MAD1L1: variants seen among roughly 807,000 people sequenced by gnomAD.
MAD1L1 encodes the protein mitotic arrest deficient 1 like 1, also known as mitotic spindle assembly checkpoint protein MAD1.
In MAD1L1, 95 loss-of-function variants were observed where a neutral mutation model predicts 96.9. The ratio of observed to expected loss-of-function variants is 0.98; its 90% CI spans 0.83 to 1.16. The LOEUF (loss-of-function observed/expected upper bound fraction) is 1.16, where lower values mean the gene tolerates loss of function less well. Ranked by LOEUF, MAD1L1 falls within the 50% of genes most tolerant of loss-of-function variation. The pLI is 0.00. For missense variants in MAD1L1, 1,007 were observed against 954.4 expected (o/e 1.06, Z -0.73); for synonymous variants, 473 against 396.6 (o/e 1.19, Z -2.29).
At chr7:1,859,747 C>T (rs1016508824) in intron 18 of MAD1L1, among the ~76,000 whole-genome samples, 2 of 152,044 alleles carry the variant, frequency 1.3e-5, no homozygotes, top group African/African-American at 2.4e-5. Flanking sequence ...TCCTGCAGGG[C>T]GGCCTCTGTT....
At chr7:1,849,093 C>T (rs1280606748) in intron 18 of MAD1L1, 20 of 154,602 alleles carry the variant, frequency 1.3e-4, no homozygotes, top group Non-Finnish European at 2.5e-4. Flanking sequence ...TGCACGGACA[C>T]ATGCACACAC....
chr7:1,997,776 G>A (rs1453629129), intron 14 of MAD1L1, among the ~76,000 whole-genome samples: 4 of 152,196 alleles, frequency 2.6e-5, no homozygotes, highest in Admixed American at 2.0e-4. Flanking sequence ...CCCCAACCAC[G>A]GTGTCTGTAG....
intron 13 of MAD1L1, among the ~76,000 whole-genome samples, chr7:2,012,372 G>A (rs1412203814): frequency 6.6e-6 from 1 of 152,242 alleles, no homozygotes; most frequent in Non-Finnish European, 1.5e-5. Context: ...GACGGCAGAA[G>A]GGGTCAGAGA....
At chr7:1,895,252 G>A (rs1160066410) in intron 18 of MAD1L1, among the ~76,000 whole-genome samples, 1 of 152,218 alleles carries the variant, frequency 6.6e-6, no homozygotes. Flanking sequence ...CCAAGGTGGG[G>A]TCTTGGCAAC....
intron 10 of MAD1L1, among the ~76,000 whole-genome samples, chr7:2,173,288 G>T (rs1637761): frequency 0.55 from 82,928 of 151,912 alleles, 23,265 homozygotes; most frequent in Middle Eastern, 0.69. Flanking sequence ...CCATGGCTCT[G>T]TGCTCCCACC....
chr7:2,089,187 C>T (rs1449519809), intron 11 of MAD1L1: 1 of 152,240 alleles, frequency 6.6e-6, no homozygotes, highest in Non-Finnish European at 1.5e-5. Context: ...GTCCCAGGCA[C>T]AGTGGAGGCC....
At chr7:2,148,169 GC>G (rs1217838310) in intron 11 of MAD1L1, among the ~76,000 whole-genome samples, 13 of 152,182 alleles carry the variant, frequency 8.5e-5, no homozygotes, top group Admixed American at 8.5e-4. Context: ...AGTGACATCA[GC>G]CCCCAAAATA....
intron 14 of MAD1L1, among the ~76,000 whole-genome samples, chr7:2,000,115 G>A (rs1233329784): frequency 1.3e-5 from 2 of 151,850 alleles, no homozygotes; most frequent in Admixed American, 1.3e-4. Context: ...TGCATCCAAC[G>A]TGTGGCAGGC....
At chr7:2,102,667 C>A (rs1786873256) in intron 11 of MAD1L1, among the ~76,000 whole-genome samples, 1 of 151,834 alleles carries the variant, frequency 6.6e-6, no homozygotes, top group African/African-American at 2.4e-5. Flanking sequence ...CCACTGTCAC[C>A]AGCACTCTCA....
chr7:2,190,683 A>G lies in MAD1L1; in HGVS notation c.986+22529T>C, dbSNP rs6946161. ...CACAAAAGAAGATATATGGCCGTCA[A>G]GTTAAGTACATGAGTAGATGTTCAA... On this transcript the variant is annotated intron_variant, in intron 10 of 18. Coordinates refer to ENST00000265854, the MANE Select transcript of MAD1L1 (RefSeq NM_001013836.2). 9.1e-3 allele frequency among the ~76,000 whole-genome samples: 1,387 copies of G among 152,318 alleles called. 17 individuals carry two copies. Among genetic ancestry groups the G allele is most frequent in the African/African-American group, 0.032 (1,325 of 41,548 alleles).
In MAD1L1 at chr7:2,121,990, T is replaced by G. The variant is rs74732578; in HGVS notation, c.1073+27162A>C. Reference sequence around the variant, plus strand: ...CACCAAGACACTGGGGAAAAGACCCTGGGTGTTAAAAGTAGCTTCTGGGGT... The same window carrying G: ...CACCAAGACACTGGGGAAAAGACCCGGGGTGTTAAAAGTAGCTTCTGGGGT... On this transcript the variant is annotated intron_variant, in intron 11 of 18. Transcript: ENST00000265854. 4.7e-4 allele frequency among the ~76,000 whole-genome samples: 72 copies of G among 151,816 alleles called. 1 individual carries two copies. The East Asian group carries it at 9.9e-3, about 21-fold the overall frequency.
intron 10 of MAD1L1, among the ~76,000 whole-genome samples, chr7:2,197,190 C>A (rs1375273003): frequency 2.0e-5 from 3 of 152,214 alleles, no homozygotes; most frequent in African/African-American, 7.2e-5. Flanking sequence ...TGTCCGAACA[C>A]GCAGCATCTG....
At chr7:2,231,736 TTA>T (rs1794201397) in intron 1 of MAD1L1, among the ~76,000 whole-genome samples, 1 of 152,230 alleles carries the variant, frequency 6.6e-6, no homozygotes, top group South Asian at 2.1e-4. Flanking sequence ...TCTAGTGACA[TTA>T]ATAAGTACTA....
At chr7:2,040,607 C>T (rs1783630713) in intron 12 of MAD1L1, among the ~76,000 whole-genome samples, 1 of 152,192 alleles carries the variant, frequency 6.6e-6, no homozygotes, top group Non-Finnish European at 1.5e-5. Context: ...TTTCTGTCTT[C>T]CCAGCTGCTA....
intron 12 of MAD1L1, among the ~76,000 whole-genome samples, chr7:2,015,193 C>T (rs1046266369): frequency 1.2e-4 from 19 of 152,222 alleles, no homozygotes; most frequent in African/African-American, 3.9e-4. Context: ...GAAGCTGCTG[C>T]GTTCCAATGG....
intron 18 of MAD1L1, among the ~76,000 whole-genome samples, chr7:1,859,732 T>A (rs1284865444): frequency 6.6e-6 from 1 of 152,068 alleles, no homozygotes; most frequent in Non-Finnish European, 1.5e-5. Flanking sequence ...TCCCTAGACG[T>A]GACATCCTGC....
At chr7:2,047,403 G>A (rs1783974134) in intron 12 of MAD1L1, among the ~76,000 whole-genome samples, 1 of 152,214 alleles carries the variant, frequency 6.6e-6, no homozygotes, top group South Asian at 2.1e-4. Flanking sequence ...CTTTATGGGT[G>A]AAGTTAACCA....
intron 17 of MAD1L1, among the ~76,000 whole-genome samples, chr7:1,909,155 G>A (rs1024158921): frequency 6.6e-6 from 1 of 152,210 alleles, no homozygotes; most frequent in Non-Finnish European, 1.5e-5. Context: ...TGACGCAGAG[G>A]CCTCCACATC....
chr7:1,976,673 T>C (rs1311726953), intron 15 of MAD1L1, among the ~76,000 whole-genome samples: 1 of 152,238 alleles, frequency 6.6e-6, no homozygotes, highest in Non-Finnish European at 1.5e-5. Flanking sequence ...CTCCACCCAC[T>C]CCTGCTGATT....
Sources: gnomAD v4.1 joint callset for allele counts (sites outside exome capture counted in the v4.1 genomes callset) on GRCh38, gnomAD v4.1.1 for gene constraint, MANE v1.5 for transcripts, NCBI Gene and HGNC (gene_info 2026-07-23, HGNC 2026-07-21) for gene names.